Variants in GRIP2 observed in about 807,000 individuals in gnomAD.
The protein encoded by GRIP2 is glutamate receptor-interacting protein 2.
GRIP2 carries 58 observed loss-of-function variants against 108.3 expected under a neutral mutation model. The observed-to-expected ratio is 0.54, with a 90% CI of 0.43 to 0.67. GRIP2 has a LOEUF of 0.67. Ranked by LOEUF, GRIP2 falls within the 30% of genes least tolerant of loss-of-function variation. The pLI is 0.00. For synonymous variants in GRIP2, 586 were observed against 598.2 expected (o/e 0.98, Z 0.30); for missense variants, 1,278 against 1,430.6 (o/e 0.89, Z 1.72).
At chr3:14,497,811 G>A (rs1356976870) in intron 21 of GRIP2, among the ~76,000 whole-genome samples, 5 of 152,182 alleles carry the variant, frequency 3.3e-5, no homozygotes, top group Non-Finnish European at 7.3e-5. Context: ...AGTGGGGAAG[G>A]AGAGAAGGAG....
At chr3:14,573,908 C>A in the GRIP2 span, 1 of 1,147,886 alleles carries the variant, frequency 8.7e-7, no homozygotes, top group South Asian at 1.3e-5. Context: ...TGTCGTTGTG[C>A]ATGCAGCAGG....
At chr3:14,551,713 G>C (rs1452948069) in intron 1 of GRIP2, among the ~76,000 whole-genome samples, 1 of 152,212 alleles carries the variant, frequency 6.6e-6, no homozygotes, top group Non-Finnish European at 1.5e-5. Context: ...CTTGGACCCA[G>C]CAGGGGAGGC....
intron 21 of GRIP2, among the ~76,000 whole-genome samples, chr3:14,502,051 T>C (rs188210147): frequency 6.6e-6 from 1 of 152,192 alleles, no homozygotes; most frequent in Admixed American, 6.5e-5. Context: ...TATATATTTT[T>C]TCAGGTGTAC....
In GRIP2 at chr3:14,532,607, T is replaced by C. The variant is rs557828069; in HGVS notation, c.41-6676A>G. ...CATATCGCCCCCAACAGAGAACCAT[T>C]GCTCTATAGTCAGGAGGGGACTCAA... is the stretch of plus-strand genomic sequence containing the variant. On this transcript the variant is annotated intron_variant, in intron 1 of 23. Coordinates refer to ENST00000621039, the MANE Select transcript of GRIP2 (RefSeq NM_001080423.4). Among the ~76,000 whole-genome samples the C allele has an allele frequency of 7.2e-4, 110 of 151,980 alleles. No individual in the cohort carries two copies. In the Middle Eastern group the frequency reaches 0.014, roughly 19 times the overall value.
At chr3:14,593,891 T>A in the GRIP2 span, among the ~76,000 whole-genome samples, 1 of 152,144 alleles carries the variant, frequency 6.6e-6, no homozygotes, top group Non-Finnish European at 1.5e-5. Context: ...GTCCAAACTT[T>A]CAAACCACAC....
chr3:14,558,092 G>A (rs530842167), upstream of GRIP2, among the ~76,000 whole-genome samples: 4 of 152,342 alleles, frequency 2.6e-5, no homozygotes, highest in Admixed American at 2.0e-4. Context: ...GGAATCTGAT[G>A]CGTTCCATGA....
At chr3:14,572,264 T>C in the GRIP2 span, among the ~76,000 whole-genome samples, 1 of 152,092 alleles carries the variant, frequency 6.6e-6, no homozygotes, top group Non-Finnish European at 1.5e-5. Flanking sequence ...ATGGAACTTT[T>C]TTTTTTTTTC....
the GRIP2 span, among the ~76,000 whole-genome samples, chr3:14,576,282 G>A: frequency 6.6e-5 from 10 of 152,364 alleles, no homozygotes; most frequent in South Asian, 6.2e-4. Flanking sequence ...CATTCACTCT[G>A]TCCATCCTCA....
intron 2 of GRIP2, 49 bp from the exon 3 acceptor site, chr3:14,525,621 C>A: frequency 6.2e-7 from 1 of 1,606,432 alleles, no homozygotes; most frequent in South Asian, 1.1e-5. Flanking sequence ...GGGGCCACCC[C>A]AGGCCCCCAG....
chr3:14,561,095 C>T, the GRIP2 span, among the ~76,000 whole-genome samples: 1 of 152,252 alleles, frequency 6.6e-6, no homozygotes, highest in Non-Finnish European at 1.5e-5. Flanking sequence ...CCATCTGAAG[C>T]TTGCTCATTA....
At chr3:14,593,734 G>A in the GRIP2 span, among the ~76,000 whole-genome samples, 1 of 152,344 alleles carries the variant, frequency 6.6e-6, no homozygotes, top group East Asian at 1.9e-4. Flanking sequence ...CATTTGGGGT[G>A]GAGAGTTCTT....
At chr3:14,500,271 G>A (rs1693730679) in intron 21 of GRIP2, among the ~76,000 whole-genome samples, 1 of 152,200 alleles carries the variant, frequency 6.6e-6, no homozygotes, top group Non-Finnish European at 1.5e-5. Flanking sequence ...AGAATGCATG[G>A]AGGACAAGTG....
the GRIP2 span, among the ~76,000 whole-genome samples, chr3:14,594,861 G>A: frequency 4.6e-3 from 702 of 152,204 alleles, 6 homozygotes; most frequent in Middle Eastern, 0.037. Flanking sequence ...CATATAAAGC[G>A]CTTAGCCTGC....
chr3:14,594,461 C>T, the GRIP2 span, among the ~76,000 whole-genome samples: 1 of 152,214 alleles, frequency 6.6e-6, no homozygotes, highest in African/African-American at 2.4e-5. Flanking sequence ...CCTTCCTTCC[C>T]TGGGGAAAGA....
At chr3:14,540,650 A>T (rs1297971695), upstream of GRIP2, among the ~76,000 whole-genome samples, 1 of 151,740 alleles carries the variant, frequency 6.6e-6, no homozygotes, top group African/African-American at 2.4e-5. The surrounding 1 kb of genome is among the most constrained non-coding windows in gnomAD (Gnocchi z 4.1). Flanking sequence ...CTCTTCCCTC[A>T]CTAGGCATCA....
intron 1 of GRIP2, among the ~76,000 whole-genome samples, chr3:14,537,436 T>G (rs1010013536): frequency 6.6e-6 from 1 of 152,242 alleles, no homozygotes; most frequent in African/African-American, 2.4e-5. Context: ...TACTGGGATG[T>G]CAGCTCCAGG....
chr3:14,521,948 A>G lies in GRIP2; in HGVS notation c.567-161T>C, dbSNP rs1425791499. On this transcript the variant is annotated intron_variant, in intron 6 of 23. Transcript: ENST00000621039. The surrounding 1 kb of genome is among the most constrained non-coding windows in gnomAD (Gnocchi z 5.1). Reference sequence around the variant, plus strand: ...GGTGAAGGGGCGCATGAGTGAGTGAAGGAATGAGCCACTCCAGGAGTGGGG... The same window carrying G: ...GGTGAAGGGGCGCATGAGTGAGTGAGGGAATGAGCCACTCCAGGAGTGGGG... 1.1e-5 allele frequency: 7 copies of G among 627,330 alleles called. No individual in the cohort carries two copies. In the East Asian group the frequency reaches 2.2e-4, roughly 19 times the overall value. The allele number at this position is 627,330 out of a possible 1,614,324, so 38.9% of individuals were successfully genotyped here.
At chr3:14,517,937 T>A (rs761316403) in intron 9 of GRIP2, 40 bp from the exon 10 acceptor site, 7 of 1,496,274 alleles carry the variant, frequency 4.7e-6, no homozygotes, top group African/African-American at 2.8e-5. Flanking sequence ...GGTGCAGGCG[T>A]TAGTGGCTGA....
At chr3:14,585,197 A>G in the GRIP2 span, among the ~76,000 whole-genome samples, 2 of 152,014 alleles carry the variant, frequency 1.3e-5, no homozygotes, top group South Asian at 4.1e-4. Flanking sequence ...TAATTTTTGT[A>G]TTTTTGGTAG....
Sources: allele counts gnomAD v4.1 joint callset (sites outside exome capture counted in the v4.1 genomes callset), GRCh38; gene constraint gnomAD v4.1.1; non-coding constraint Gnocchi (gnomAD v3.1); transcripts MANE v1.5; gene names NCBI Gene and HGNC (gene_info 2026-07-23, HGNC 2026-07-21).